BBX: variants seen among roughly 807,000 people sequenced by gnomAD.
The protein encoded by BBX is BBX high mobility group box domain containing.
In BBX, 30 loss-of-function variants were observed where a neutral mutation model predicts 100.2. That is an observed-to-expected ratio of 0.30 (90% CI 0.22 to 0.41). BBX has a LOEUF of 0.41. BBX is among the 10% of genes least tolerant of loss of function. The probability of loss-of-function intolerance (pLI) is 1.00; values close to 1 mark genes in which losing one functional copy is unlikely to be tolerated. For missense variants in BBX, 1,023 were observed against 1,129.8 expected (o/e 0.91, Z 1.35); for synonymous variants, 376 against 388.1 (o/e 0.97, Z 0.37).
intron 2 of BBX, among the ~76,000 whole-genome samples, chr3:107,534,394 A>C (rs2048354060): frequency 6.6e-6 from 1 of 152,086 alleles, no homozygotes; most frequent in South Asian, 2.1e-4. Context: ...CAGCTGTCAG[A>C]CTTTGATTAT....
intron 1 of BBX, 26 bp from the exon 2 acceptor site, chr3:107,526,301 A>T: frequency 2.5e-6 from 1 of 398,540 alleles, no homozygotes; most frequent in Non-Finnish European, 4.4e-6. Context: ...TATACTGATG[A>T]TGTACCTTTA....
intron 2 of BBX, among the ~76,000 whole-genome samples, chr3:107,539,201 A>G (rs2048707383): frequency 6.6e-6 from 1 of 152,156 alleles, no homozygotes; most frequent in Non-Finnish European, 1.5e-5. Context: ...TTTTTGCAAC[A>G]TATAATTATT....
intron 3 of BBX, among the ~76,000 whole-genome samples, chr3:107,684,014 C>CT (rs200992527): frequency 0.011 from 1,611 of 152,258 alleles, 20 homozygotes; most frequent in African/African-American, 0.037. Flanking sequence ...ACTAACTGAA[C>CT]TTTAAGTTAT....
At chr3:107,548,260 A>T (rs1486739045) in intron 2 of BBX, among the ~76,000 whole-genome samples, 1 of 152,214 alleles carries the variant, frequency 6.6e-6, no homozygotes, top group Non-Finnish European at 1.5e-5. Flanking sequence ...AATTAAAAAG[A>T]TACTACCTAT....
At chr3:107,738,626 G>C (rs980447708) in intron 7 of BBX, among the ~76,000 whole-genome samples, 3 of 152,174 alleles carry the variant, frequency 2.0e-5, no homozygotes, top group African/African-American at 7.2e-5. Flanking sequence ...AACGCCGGAG[G>C]ACTAGCTTCA....
intron 3 of BBX, among the ~76,000 whole-genome samples, chr3:107,683,118 C>T (rs1483258797): frequency 6.6e-6 from 1 of 152,062 alleles, no homozygotes; most frequent in Non-Finnish European, 1.5e-5. Flanking sequence ...TAGGCATAAA[C>T]ATAGTTGAAC....
chr3:107,755,024 A>G (rs894667723), intron 9 of BBX, among the ~76,000 whole-genome samples: 14 of 152,252 alleles, frequency 9.2e-5, no homozygotes, highest in African/African-American at 3.4e-4. Flanking sequence ...CATTAACTGT[A>G]CAACTCAGAT....
At chr3:107,576,901 TC>T (rs2051824030) in intron 2 of BBX, among the ~76,000 whole-genome samples, 1 of 152,076 alleles carries the variant, frequency 6.6e-6, no homozygotes, top group South Asian at 2.1e-4. Context: ...TCACTCTGTC[TC>T]CAGGCTGTAG....
intron 16 of BBX, among the ~76,000 whole-genome samples, chr3:107,800,689 G>A (rs565973149): frequency 1.3e-5 from 2 of 152,262 alleles, no homozygotes; most frequent in East Asian, 3.9e-4. Context: ...GCCATAGTAG[G>A]GCATGCTACA....
At chr3:107,601,719 G>A (rs2176889) in intron 2 of BBX, among the ~76,000 whole-genome samples, 19,614 of 152,304 alleles carry the variant, frequency 0.13, 1,451 homozygotes, top group Middle Eastern at 0.2. Context: ...GCAAGAGGAA[G>A]CAGCAAGTGC....
chr3:107,715,257 A>T (rs113722930), intron 4 of BBX, among the ~76,000 whole-genome samples: 2 of 152,164 alleles, frequency 1.3e-5, no homozygotes, highest in Non-Finnish European at 2.9e-5. Context: ...CTTGTTAGAG[A>T]TACAAATTCT....
rs1160503379 is a variant in BBX at position 107,598,124 on chromosome 3, A to T, written c.-83-47712A>T. 2.0e-5 allele frequency among the ~76,000 whole-genome samples: 3 copies of T among 152,260 alleles called. No homozygotes were observed. The South Asian group carries it at 6.2e-4, about 32-fold the overall frequency. On this transcript the variant is annotated intron_variant, in intron 2 of 17. Transcript: ENST00000325805. ...GTGCTTCCAGAAGTTTGCTTATCCC[A>T]GTTTGAAGACTATTGTGATAGTCAT...
chr3:107,776,254 G>T (rs1051275996), intron 12 of BBX: 1 of 152,186 alleles, frequency 6.6e-6, no homozygotes, highest in Non-Finnish European at 1.5e-5. Flanking sequence ...GCTTCTATTA[G>T]AAACTGCTGA....
chr3:107,589,739 G>C (rs2053157791), intron 2 of BBX, among the ~76,000 whole-genome samples: 1 of 152,162 alleles, frequency 6.6e-6, no homozygotes, highest in South Asian at 2.1e-4. Context: ...TATTACTCAA[G>C]CACAGAAATA....
intron 5 of BBX, among the ~76,000 whole-genome samples, chr3:107,720,534 A>G (rs1404290800): frequency 1.3e-5 from 2 of 152,072 alleles, no homozygotes; most frequent in African/African-American, 4.8e-5. Context: ...AGCCTAGGTT[A>G]TACATAGAAG....
chr3:107,525,711 G>A (rs1477384126), intron 1 of BBX, among the ~76,000 whole-genome samples: 1 of 152,090 alleles, frequency 6.6e-6, no homozygotes, highest in African/African-American at 2.4e-5. Context: ...CCCCGACCTC[G>A]CAGACCTGGT....
intron 3 of BBX, among the ~76,000 whole-genome samples, chr3:107,660,492 G>C (rs946042834): frequency 1.8e-5 from 2 of 114,244 alleles, no homozygotes; most frequent in African/African-American, 6.8e-5. Context: ...CGTAAGTATT[G>C]TGCAAAAAGC....
At chr3:107,584,055 T>C (rs1300831196) in intron 2 of BBX, among the ~76,000 whole-genome samples, 1 of 37,206 alleles carries the variant, frequency 2.7e-5, no homozygotes, top group East Asian at 5.5e-4. Context: ...TTATATATAT[T>C]ATATATATCA....
At chr3:107,644,488 A>G (rs2057405533) in intron 2 of BBX, among the ~76,000 whole-genome samples, 1 of 152,184 alleles carries the variant, frequency 6.6e-6, no homozygotes, top group East Asian at 1.9e-4. Flanking sequence ...GATGTATATG[A>G]AAAGTATGTG....
Sources: allele counts gnomAD v4.1 joint callset (sites outside exome capture counted in the v4.1 genomes callset), GRCh38; gene constraint gnomAD v4.1.1; transcripts MANE v1.5; gene names NCBI Gene and HGNC (gene_info 2026-07-23, HGNC 2026-07-21).